Variants in SEMA4B observed in about 807,000 individuals in gnomAD.
SEMA4B encodes semaphorin-4B.
A neutral mutation model predicts 88.1 loss-of-function variants in SEMA4B; 55 were observed. That is an observed-to-expected ratio of 0.62 (90% CI 0.50 to 0.78). The LOEUF is 0.78. SEMA4B is among the 30% of genes least tolerant of loss of function. The probability of loss-of-function intolerance (pLI) is 0.00; values close to 1 mark genes in which losing one functional copy is unlikely to be tolerated. For synonymous variants in SEMA4B, 525 were observed against 473.6 expected (o/e 1.11, Z -1.41); for missense variants, 1,062 against 1,111.9 (o/e 0.96, Z 0.64).
chr15:90,225,088 C>T lies in SEMA4B; in HGVS notation c.1315C>T (p.Leu439=), dbSNP rs11073918. 0.24 allele frequency: 386,841 copies of T among 1,613,546 alleles called. 48,736 individuals are homozygous for T. Among genetic ancestry groups the T allele is most frequent in the South Asian group, 0.35 (31,478 of 91,086 alleles). The change falls in exon 10 of 14, where the codon CTG becomes TTG. Residue 439 remains leucine (L), a synonymous_variant. Coordinates refer to ENST00000411539, the MANE Select transcript of SEMA4B (RefSeq NM_198925.4). ...MDGQVRSRML[L]LQPQARYQRV... ...CGGGCAGGTCCGAAGCCGCATGCTG[C>T]TGCTGCAGCCCCAGGCTCGCTACCA...
chr15:90,203,508 G>T (rs112529842), intron 1 of SEMA4B, among the ~76,000 whole-genome samples: 14 of 152,308 alleles, frequency 9.2e-5, no homozygotes, highest in Middle Eastern at 6.8e-3. Context: ...ACAATCACAG[G>T]GTAGCTAGAA....
chr15:90,227,003 C>T (rs2151628644), intron 12 of SEMA4B, among the ~76,000 whole-genome samples: 1 of 152,088 alleles, frequency 6.6e-6, no homozygotes, highest in South Asian at 2.1e-4. Context: ...ACATACAGAT[C>T]CCAGCTGTCC....
chr15:90,217,887 C>T, intron 3 of SEMA4B, 58 bp downstream of exon 3: 1 of 1,469,398 alleles, frequency 6.8e-7, no homozygotes, highest in Non-Finnish European at 9.4e-7. Flanking sequence ...TGGTGGACTT[C>T]CATCCAGGCC....
At position 90,227,654 on chromosome 15, in the gene SEMA4B, C is replaced by T. The variant is rs1567063998; in HGVS notation, c.1774+12C>T. On this transcript the variant is annotated intron_variant, in intron 13 of 13. Coordinates refer to ENST00000411539, the MANE Select transcript of SEMA4B (RefSeq NM_198925.4). ...TTTTGTACCAACAGGTGAGGTGCCC[C>T]CTCAAAAGGTGGAGGAGAGAGGTGG... 1.2e-6 allele frequency: 2 copies of T among 1,613,578 alleles called. No homozygotes were observed. The highest frequency in any genetic ancestry group is 1.7e-6 in the Non-Finnish European group (2 of 1,179,560).
At chr15:90,223,455 C>A in intron 7 of SEMA4B, 104 bp from the exon 8 acceptor site, 1 of 1,030,174 alleles carries the variant, frequency 9.7e-7, no homozygotes, top group Non-Finnish European at 1.4e-6. Context: ...TCCTGCCCTT[C>A]AGTCCTGGTG....
chr15:90,225,596 G>C, intron 11 of SEMA4B, 65 bp from the exon 12 acceptor site: 1 of 1,516,690 alleles, frequency 6.6e-7, no homozygotes, highest in Non-Finnish European at 8.9e-7. Flanking sequence ...ATACAAGCCG[G>C]GTGGCCATGG....
At position 90,225,657 on chromosome 15, in the gene SEMA4B, G is replaced by T. The variant is rs772790180; in HGVS notation, c.1522-4G>T. On this transcript the variant is annotated splice_region_variant and splice_polypyrimidine_tract_variant and intron_variant, in intron 11 of 13. Transcript: ENST00000411539. ...GCTTCTCATCCCCGTGTCTGGCTGT[G>T]CAGGGGCTGCTGTATGCGGCCTCAC... The T allele has an allele frequency of 1.6e-5, 25 of 1,561,822 alleles. No homozygotes were observed. Among genetic ancestry groups the T allele is most frequent in the Admixed American group, 1.1e-4 (6 of 52,910 alleles).
rs7174036 is a variant in SEMA4B at position 90,220,970 on chromosome 15, A to G, written c.484-12A>G. The stretch of plus-strand genomic sequence containing the variant: ...GGAGTGCCCCTGAGCCCATGTGTCC[A>G]CCCTCCTGCAGAACATGGAGAACTT... On this transcript the variant is annotated splice_polypyrimidine_tract_variant and intron_variant, in intron 4 of 13. Coordinates refer to ENST00000411539, the MANE Select transcript of SEMA4B (RefSeq NM_198925.4). The G allele has an allele frequency of 0.35, 556,318 of 1,573,278 alleles. 101,836 individuals carry two copies. The highest frequency in any genetic ancestry group is 0.59 in the African/African-American group (43,494 of 74,290).
Position 90,228,880 on chromosome 15 carries a change from G to A in SEMA4B, c.*237G>A. On this transcript the variant is annotated 3_prime_UTR_variant, in exon 14 of 14. Coordinates refer to ENST00000411539, the MANE Select transcript of SEMA4B (RefSeq NM_198925.4). ...TGGCCAAATATGGGGGCCTGCCTAG[G>A]TTGGTGGAACAGTGCTCCTTATGTA... 1 of 595,358 alleles carries A rather than the reference G, an allele frequency of 1.7e-6. No homozygotes were observed. The highest frequency in any genetic ancestry group is 3.0e-6 in the Non-Finnish European group (1 of 336,948). 36.9% of individuals were successfully genotyped at this position (595,358 alleles called of 1,614,324 possible).
chr15:90,216,139 C>G (rs943540463), intron 1 of SEMA4B, among the ~76,000 whole-genome samples: 6 of 152,034 alleles, frequency 3.9e-5, no homozygotes, highest in Non-Finnish European at 7.4e-5. Context: ...CAGGCATGTG[C>G]TACTACGCCT....
chr15:90,198,794 G>C (rs1314844817), upstream of SEMA4B, among the ~76,000 whole-genome samples: 2 of 152,230 alleles, frequency 1.3e-5, no homozygotes, highest in Non-Finnish European at 1.5e-5. Context: ...ACCACTCCAA[G>C]TAAGGTCATT....
chr15:90,195,109 GT>G lies in SEMA4B; in HGVS notation c.-121-6340del, dbSNP rs957148577. 1.2e-4 allele frequency among the ~76,000 whole-genome samples: 18 copies of G among 146,078 alleles called. No individual in the cohort carries two copies. The East Asian group carries it at 3.6e-3, about 29-fold the overall frequency. On this transcript the variant is annotated intron_variant, in intron 1 of 14. Transcript: ENST00000332496. ...TCACACGTTGCTATTGATTTTGTTTGTTTTTTTTTAGACAGGGTCTCATTCT... is the reference window on the plus strand; with the variant it reads ...TCACACGTTGCTATTGATTTTGTTTGTTTTTTTTAGACAGGGTCTCATTCT...
At chr15:90,226,028 C>T (rs182333023) in intron 12 of SEMA4B, among the ~76,000 whole-genome samples, 2 of 152,260 alleles carry the variant, frequency 1.3e-5, no homozygotes, top group South Asian at 2.1e-4. Flanking sequence ...ACCTGTAAAA[C>T]GAGGACATGA....
In SEMA4B at chr15:90,217,806, A is replaced by C. The variant is rs1413313701; in HGVS notation, c.361A>C (p.Ser121Arg). The C allele has an allele frequency of 1.9e-6, 3 of 1,613,044 alleles. No homozygotes were observed. In the East Asian group the frequency reaches 6.7e-5, roughly 36 times the overall value. Residue 121 changes from serine to arginine, a missense_variant, in exon 3 of 14, where the codon AGC (serine) becomes CGC (arginine). Coordinates refer to ENST00000411539, the MANE Select transcript of SEMA4B (RefSeq NM_198925.4). ...AGACGCAGAGAAGAAACAGCAGTGCAGCTTCAAGGGCAAGGACCCACAGGT... is the reference window on the plus strand; with the variant it reads ...AGACGCAGAGAAGAAACAGCAGTGCCGCTTCAAGGGCAAGGACCCACAGGT... ...GADAEKKQQC[S>R]FKGKDPQRDC... is the part of the protein sequence containing the mutation.
At chr15:90,213,582 C>A (rs1567053097) in intron 1 of SEMA4B, among the ~76,000 whole-genome samples, 2 of 152,240 alleles carry the variant, frequency 1.3e-5, no homozygotes, top group Admixed American at 6.5e-5. Flanking sequence ...AGGTTTCCAC[C>A]CCTTCTCCCA....
At chr15:90,205,773 C>T (rs535737855) in intron 1 of SEMA4B, among the ~76,000 whole-genome samples, 6 of 152,326 alleles carry the variant, frequency 3.9e-5, no homozygotes, top group African/African-American at 1.4e-4. Flanking sequence ...CAAGCCTTGT[C>T]AGGCTTAGTG....
In SEMA4B at chr15:90,223,694, C is replaced by T; in HGVS notation, c.997C>T (p.Gln333Ter). ...TGTCTTCACGCTGAGCCCCAGCCCC[C>T]AGGACTGGCGTGACACCCTTTTCTA... ...QDVFTLSPSP[Q>*]DWRDTLFYGV... Residue 333 changes from glutamine (Q) to a stop codon, truncating the protein, a stop_gained, in exon 8 of 14, where the codon CAG becomes TAG. Coordinates refer to ENST00000411539, the MANE Select transcript of SEMA4B (RefSeq NM_198925.4). LOFTEE classifies it high-confidence loss of function. The T allele has an allele frequency of 6.2e-7, 1 of 1,613,002 alleles. No homozygotes were observed.
Position 90,229,448 on chromosome 15 carries a change from T to G in SEMA4B, c.*805T>G, listed in dbSNP as rs1318572832. Reference sequence around the variant, plus strand: ...GTGCCCCTTCCCACCATATCCACCCTCGCTCCATCTTTGAACTCAAACACG... The same window carrying G: ...GTGCCCCTTCCCACCATATCCACCCGCGCTCCATCTTTGAACTCAAACACG... On this transcript the variant is annotated 3_prime_UTR_variant, in exon 14 of 14. Coordinates refer to ENST00000411539, the MANE Select transcript of SEMA4B (RefSeq NM_198925.4). The G allele has an allele frequency of 4.4e-6, 2 of 454,930 alleles. 1 individual carries two copies. Among genetic ancestry groups the G allele is most frequent in the East Asian group, 1.4e-4 (2 of 14,408 alleles). 28.2% of individuals were successfully genotyped at this position (454,930 alleles called of 1,614,324 possible).
chr15:90,188,715 C>T (rs748770969), intron 1 of SEMA4B, among the ~76,000 whole-genome samples: 4 of 152,028 alleles, frequency 2.6e-5, no homozygotes, highest in Non-Finnish European at 5.9e-5. Context: ...CTCGCTCACT[C>T]TGGGTGCAGT....
Sources: allele counts gnomAD v4.1 joint callset (sites outside exome capture counted in the v4.1 genomes callset), GRCh38; gene constraint gnomAD v4.1.1; transcripts MANE v1.5; gene names NCBI Gene and HGNC (gene_info 2026-07-23, HGNC 2026-07-21).